NCF2: variants seen among roughly 807,000 people sequenced by gnomAD.
NCF2 encodes the protein neutrophil cytosolic factor 2.
A neutral mutation model predicts 70.9 loss-of-function variants in NCF2; 45 were observed. The observed-to-expected ratio is 0.63, with a 90% CI of 0.50 to 0.81. The LOEUF is 0.81. NCF2 is among the 40% of genes least tolerant of loss of function. The pLI is 0.00. For missense variants in NCF2, 522 were observed against 631.6 expected (o/e 0.83, Z 1.86); for synonymous variants, 203 against 233.6 (o/e 0.87, Z 1.19).
chr1:183,594,481 A>T (rs1673736217), upstream of NCF2, among the ~76,000 whole-genome samples: 1 of 152,232 alleles, frequency 6.6e-6, no homozygotes, highest in Admixed American at 6.5e-5. Context: ...TGGTTAGATA[A>T]TAAGTTTGTT....
the NCF2 span, chr1:183,598,330 A>G: frequency 1.3e-5 from 2 of 152,290 alleles, no homozygotes; most frequent in East Asian, 3.9e-4. Context: ...CCCAGGCCCA[A>G]GACTCTAAAA....
upstream of NCF2, among the ~76,000 whole-genome samples, chr1:183,593,647 C>A (rs3754515): frequency 0.45 from 68,496 of 152,026 alleles, 15,871 homozygotes; most frequent in African/African-American, 0.53. Context: ...AGATCCATGA[C>A]CTTGCTATGT....
the NCF2 span, among the ~76,000 whole-genome samples, chr1:183,596,842 A>G: frequency 1.3e-5 from 2 of 152,162 alleles, no homozygotes; most frequent in Non-Finnish European, 1.5e-5. Context: ...TCCTACGTAA[A>G]GTCTTCCCTG....
intron 2 of NCF2, among the ~76,000 whole-genome samples, chr1:183,585,314 T>G (rs699240): frequency 6.6e-6 from 1 of 151,832 alleles, no homozygotes; most frequent in African/African-American, 2.4e-5. Flanking sequence ...CATGCACAGA[T>G]CATTTTCACT....
intron 3 of NCF2, among the ~76,000 whole-genome samples, chr1:183,576,618 G>A (rs546313629): frequency 7.2e-5 from 11 of 152,286 alleles, no homozygotes; most frequent in Admixed American, 5.2e-4. Flanking sequence ...AACCTTACTC[G>A]AGAAGTTGGT....
rs1672648147 is a variant in NCF2, at chr1:183,573,250, G to A, written c.544C>T (p.Leu182=). The change falls in exon 5 of 15, where the codon CTG becomes TTG. Residue 182 remains leucine, a synonymous_variant. Transcript: ENST00000367535. ...YEPVVIPVGK[L]FRPNERQVAQ... is the part of the protein sequence containing the mutation. ...ACTTGTCTCTCATTTGGTCGAAACA[G>A]CTTGCCCACAGGGATCACCACTGGC... The A allele has an allele frequency of 6.2e-7, 1 of 1,614,030 alleles. No homozygotes were observed. Among genetic ancestry groups the A allele is most frequent in the African/African-American group, 1.3e-5 (1 of 74,914 alleles).
intron 7 of NCF2, 55 bp from the exon 8 acceptor site, chr1:183,567,400 G>A (rs759330761): frequency 7.4e-5 from 119 of 1,609,330 alleles, no homozygotes; most frequent in Admixed American, 5.2e-4. Context: ...ATGCCATGGC[G>A]CAAATACACT....
At position 183,586,993 on chromosome 1, in the gene NCF2, T is replaced by C; in HGVS notation, c.175-16A>G. On this transcript the variant is annotated splice_polypyrimidine_tract_variant and intron_variant, in intron 1 of 14. Transcript: ENST00000367535. ...TGGTAAAGGCCTGAGGAGAGAAGGG[T>C]CCAGACATGGCCATGATGCAAGGCA... 6.2e-7 allele frequency: 1 copy of C among 1,607,062 alleles called. No homozygotes were observed. Among genetic ancestry groups the C allele is most frequent in the African/African-American group, 1.3e-5 (1 of 74,842 alleles).
At chr1:183,582,445 T>C (rs993306464) in intron 2 of NCF2, among the ~76,000 whole-genome samples, 3 of 152,242 alleles carry the variant, frequency 2.0e-5, no homozygotes, top group Non-Finnish European at 2.9e-5. Flanking sequence ...GCCATAGCTT[T>C]TCACAAGCTC....
chr1:183,572,768 T>C (rs904273847), intron 5 of NCF2, among the ~76,000 whole-genome samples: 2 of 152,032 alleles, frequency 1.3e-5, no homozygotes, highest in Non-Finnish European at 2.9e-5. Context: ...GCCTCTCCAC[T>C]AGCTAGGCTG....
intron 9 of NCF2, among the ~76,000 whole-genome samples, chr1:183,566,092 G>A (rs558122943): frequency 2.0e-5 from 3 of 152,352 alleles, no homozygotes; most frequent in African/African-American, 7.2e-5. Flanking sequence ...CTGAGCTCTT[G>A]TCTCCACTGC....
intron 6 of NCF2, 38 bp from the exon 7 acceptor site, chr1:183,569,223 A>G (rs762845110): frequency 6.3e-7 from 1 of 1,598,002 alleles, no homozygotes; most frequent in Non-Finnish European, 8.6e-7. Context: ...CGGAAAAGGC[A>G]ATGAGGGAAA....
At chr1:183,589,860 C>T (rs567987908) in intron 1 of NCF2, among the ~76,000 whole-genome samples, 2 of 152,202 alleles carry the variant, frequency 1.3e-5, no homozygotes, top group South Asian at 2.1e-4. Flanking sequence ...GAAGAAAGTA[C>T]GACTAGGACA....
At chr1:183,563,943 G>A (rs912629828) in intron 11 of NCF2, 62 bp downstream of exon 11, 5 of 1,517,392 alleles carry the variant, frequency 3.3e-6, no homozygotes, top group Non-Finnish European at 4.6e-6. Flanking sequence ...ACATGTCTGT[G>A]GTTGATAGCC....
intron 2 of NCF2, among the ~76,000 whole-genome samples, chr1:183,583,201 C>T (rs1673192949): frequency 6.6e-6 from 1 of 152,134 alleles, no homozygotes; most frequent in Admixed American, 6.6e-5. Context: ...TACAGGCACC[C>T]ACCACCATGT....
chr1:183,556,819 G>A (rs1022430212), intron 14 of NCF2, among the ~76,000 whole-genome samples: 6 of 152,162 alleles, frequency 3.9e-5, no homozygotes, highest in African/African-American at 9.7e-5. Flanking sequence ...GTGAGCCACC[G>A]TGCCTGGCCC....
At chr1:183,571,640 TGTA>T (rs991078588) in intron 5 of NCF2, among the ~76,000 whole-genome samples, 5 of 152,220 alleles carry the variant, frequency 3.3e-5, no homozygotes, top group Admixed American at 6.5e-5. Flanking sequence ...AAAAATCAGA[TGTA>T]AAGCTAGCTT....
chr1:183,596,691 G>A, the NCF2 span, among the ~76,000 whole-genome samples: 3 of 151,602 alleles, frequency 2.0e-5, no homozygotes, highest in Admixed American at 6.6e-5. Flanking sequence ...GCAGTGAGCC[G>A]ACATTGCATC....
chr1:183,591,088 G>A (rs566497433), upstream of NCF2, among the ~76,000 whole-genome samples: 1 of 152,330 alleles, frequency 6.6e-6, no homozygotes, highest in African/African-American at 2.4e-5. Flanking sequence ...CCTTTGGGTA[G>A]GGGAACCACC....
Sources: gnomAD v4.1 joint callset for allele counts (sites outside exome capture counted in the v4.1 genomes callset) on GRCh38, gnomAD v4.1.1 for gene constraint, MANE v1.5 for transcripts, NCBI Gene and HGNC (gene_info 2026-07-23, HGNC 2026-07-21) for gene names.